Variants in GMEB2 observed in about 807,000 individuals in gnomAD.
The protein encoded by GMEB2 is glucocorticoid modulatory element binding protein 2, also known as glucocorticoid modulatory element-binding protein 2.
In GMEB2, 7 loss-of-function variants were observed where a neutral mutation model predicts 45.7. The ratio of observed to expected loss-of-function variants is 0.15; its 90% CI spans 0.09 to 0.29. GMEB2 has a LOEUF of 0.29. Among genes scored for constraint, GMEB2 ranks in the 10% least tolerant of loss-of-function variants. The pLI is 1.00. For missense variants in GMEB2, 582 were observed against 739.2 expected, an observed-to-expected ratio of 0.79 and a Z score of 2.47; for synonymous variants, 322 against 323.6, an observed-to-expected ratio of 1.00 and a Z score of 0.05.
intron 1 of GMEB2, among the ~76,000 whole-genome samples, chr20:63,620,433 C>T (rs2089636901): frequency 6.6e-6 from 1 of 152,148 alleles, no homozygotes; most frequent in African/African-American, 2.4e-5. Context: ...GGTTTCCAGC[C>T]AGAGGGCAAC....
chr20:63,591,785 A>G (rs530126780), intron 9 of GMEB2, among the ~76,000 whole-genome samples: 24 of 152,320 alleles, frequency 1.6e-4, no homozygotes, highest in African/African-American at 5.8e-4. Context: ...TCTCTTAAAT[A>G]ACTACTTGGT....
At chr20:63,606,657 A>AT (rs1283186368) in intron 2 of GMEB2, among the ~76,000 whole-genome samples, 5 of 152,104 alleles carry the variant, frequency 3.3e-5, no homozygotes, top group Admixed American at 3.3e-4. Flanking sequence ...ACCACAAACA[A>AT]TTTTTTAAGA....
intron 2 of GMEB2, among the ~76,000 whole-genome samples, chr20:63,616,367 C>T (rs2089608428): frequency 6.6e-6 from 1 of 152,166 alleles, no homozygotes; most frequent in Non-Finnish European, 1.5e-5. Flanking sequence ...TTGCTTCAAC[C>T]CGGGAGGCAG....
chr20:63,602,919 C>T (rs1467124556), intron 4 of GMEB2, 46 bp downstream of exon 4: 29 of 1,580,596 alleles, frequency 1.8e-5, no homozygotes, highest in South Asian at 1.2e-4. Flanking sequence ...CAGTCACAGA[C>T]ACCATGAGGC....
rs2089631541 is a variant in GMEB2 at position 63,619,505 on chromosome 20, CA to C, written c.-57-52del. On this transcript the variant is annotated intron_variant, in intron 1 of 9. Transcript: ENST00000370077. This position sits in a 1 kb window ranked among gnomAD's most constrained non-coding sequence, Gnocchi z 4.6. ...GGATGGAGTCATCTCCACATCCACA[CA>C]ACATAGCACTCACAAAGGCATCTCT... The C allele has an allele frequency of 9.2e-7, 1 of 1,087,940 alleles. No individual in the cohort carries two copies. The highest frequency in any genetic ancestry group is 2.6e-5 in the East Asian group (1 of 38,904). 67.4% of individuals were successfully genotyped at this position (1,087,940 alleles called of 1,614,324 possible). A position where few individuals can be genotyped will look rare whatever the true frequency, so the allele number is the denominator to read the frequency against.
intron 2 of GMEB2, among the ~76,000 whole-genome samples, chr20:63,610,131 G>A (rs1384069318): frequency 6.6e-6 from 1 of 152,258 alleles, no homozygotes; most frequent in African/African-American, 2.4e-5. Context: ...ATGTGGAGAA[G>A]CTGGGAGAGG....
chr20:63,591,981 C>A, intron 9 of GMEB2, 41 bp downstream of exon 9: 1 of 1,570,728 alleles, frequency 6.4e-7, no homozygotes. Flanking sequence ...AGGTCCTCAG[C>A]CTACCGCCCA....
chr20:63,600,842 T>A (rs1270969595), intron 4 of GMEB2, among the ~76,000 whole-genome samples: 1 of 152,004 alleles, frequency 6.6e-6, no homozygotes, highest in Non-Finnish European at 1.5e-5. Context: ...GAGTGTCTGC[T>A]GTTTTCTCAT....
Position 63,621,520 on chromosome 20 carries a change from A to T in GMEB2, c.-57-2066T>A, listed in dbSNP as rs140415747. 7.7e-3 allele frequency among the ~76,000 whole-genome samples: 1,166 copies of T among 152,174 alleles called. 16 individuals are homozygous for T. Among genetic ancestry groups the T allele is most frequent in the African/African-American group, 0.026 (1,088 of 41,528 alleles). On this transcript the variant is annotated intron_variant, in intron 1 of 9. Transcript: ENST00000370077. ...GTCTTGACTAAAAATACTAAAAATT[A>T]GCCAGGCATGGTGGCAGGCACCTGT...
chr20:63,622,432 A>C (rs1264879125), intron 1 of GMEB2, among the ~76,000 whole-genome samples: 1 of 152,224 alleles, frequency 6.6e-6, no homozygotes, highest in Non-Finnish European at 1.5e-5. Context: ...TTCAGGTCTC[A>C]AGGTTCTTGC....
chr20:63,600,089 T>C (rs559252889), intron 4 of GMEB2, among the ~76,000 whole-genome samples: 1 of 152,134 alleles, frequency 6.6e-6, no homozygotes, highest in Non-Finnish European at 1.5e-5. Context: ...TCGTCCAGGC[T>C]GGAGTGCACT....
At chr20:63,598,716 T>C (rs538518437) in intron 4 of GMEB2, among the ~76,000 whole-genome samples, 1 of 152,234 alleles carries the variant, frequency 6.6e-6, no homozygotes, top group Non-Finnish European at 1.5e-5. Context: ...GCCCAGCCAG[T>C]CTCTGGCTCT....
intron 2 of GMEB2, among the ~76,000 whole-genome samples, chr20:63,614,420 G>A (rs929792177): frequency 3.3e-5 from 5 of 152,342 alleles, no homozygotes; most frequent in South Asian, 4.1e-4. Context: ...TAGCGGTAAC[G>A]CCAGCATCTG....
chr20:63,610,029 T>C (rs2089557180), intron 2 of GMEB2, among the ~76,000 whole-genome samples: 1 of 151,940 alleles, frequency 6.6e-6, no homozygotes. Flanking sequence ...CCTGCAGACA[T>C]GGTGTTCCCA....
chr20:63,621,948 AC>A (rs1236151437), intron 1 of GMEB2, among the ~76,000 whole-genome samples: 2 of 151,362 alleles, frequency 1.3e-5, no homozygotes, highest in African/African-American at 4.9e-5. Context: ...ACACAGCAAC[AC>A]CCCATCTCTG....
chr20:63,593,177 C>G lies in GMEB2; in HGVS notation c.620-95G>C, dbSNP rs1044838402. On this transcript the variant is annotated intron_variant, in intron 6 of 9. Transcript: ENST00000370077. This position sits in a 1 kb window ranked among gnomAD's most constrained non-coding sequence, Gnocchi z 4.7. ...ACCCTCCTCACACCACCTTCTGAAC[C>G]TTTCCATCTGTCTTCACAAAACTGA... 3 of 742,836 alleles carry G rather than the reference C, an allele frequency of 4.0e-6. No individual in the cohort carries two copies. The highest frequency in any genetic ancestry group is 2.0e-5 in the Admixed American group (1 of 48,840). The allele number at this position is 742,836 out of a possible 1,614,324, so 46.0% of individuals were successfully genotyped here.
Position 63,604,791 on chromosome 20 carries a change from C to G in GMEB2, c.181G>C (p.Ala61Pro). 2 of 1,612,224 alleles carry G rather than the reference C, an allele frequency of 1.2e-6. No homozygotes were observed. The highest frequency in any genetic ancestry group is 2.2e-5 in the East Asian group (1 of 44,870). Residue 61 changes from alanine to proline, a missense_variant, in exon 3 of 10, where the codon GCT becomes CCT. Coordinates refer to ENST00000370077, the MANE Select transcript of GMEB2 (RefSeq NM_012384.5). The stretch of plus-strand genomic sequence containing the variant: ...GAGGAGGCTGTGAAGGCCGCGGCAG[C>G]TGCTGCCGCTGCATTTTCTGTCTCC... Reference protein sequence around the residue: ...NMETENAAAAAAAAFTASSQL... With the variant: ...NMETENAAAAPAAAFTASSQL...
At chr20:63,603,640 G>A (rs1445144961) in intron 3 of GMEB2, among the ~76,000 whole-genome samples, 1 of 151,986 alleles carries the variant, frequency 6.6e-6, no homozygotes, top group Non-Finnish European at 1.5e-5. Context: ...GAGGCAGGAG[G>A]CTGAGGCAGG....
At chr20:63,602,307 G>A (rs555512712) in intron 4 of GMEB2, among the ~76,000 whole-genome samples, 3 of 152,308 alleles carry the variant, frequency 2.0e-5, no homozygotes, top group South Asian at 4.1e-4. Context: ...ATGGGAGTAC[G>A]TGGTGGATTC....
Sources: gnomAD v4.1 joint callset for allele counts (sites outside exome capture counted in the v4.1 genomes callset) on GRCh38, gnomAD v4.1.1 for gene constraint, Gnocchi (gnomAD v3.1) non-coding constraint, MANE v1.5 for transcripts, NCBI Gene and HGNC (gene_info 2026-07-23, HGNC 2026-07-21) for gene names.